Variants in ATPSCKMT observed in about 807,000 individuals in gnomAD.
ATPSCKMT encodes ATP synthase c subunit lysine N-methyltransferase.
Under a neutral mutation model 24.3 loss-of-function variants are expected in ATPSCKMT, and 24 were observed. That is an observed-to-expected ratio of 0.99 (90% confidence interval 0.71 to 1.39). The LOEUF is 1.39. Ranked by LOEUF, ATPSCKMT falls within the 40% of genes most tolerant of loss-of-function variation. The probability of loss-of-function intolerance (pLI) is 0.00; values close to 1 mark genes in which losing one functional copy is unlikely to be tolerated. For missense variants in ATPSCKMT, 311 were observed against 298.4 expected (o/e 1.04, Z -0.31); for synonymous variants, 95 against 110.5 (o/e 0.86, Z 0.88).
chr5:10,227,966 T>A (rs1250666439), intron 4 of ATPSCKMT, among the ~76,000 whole-genome samples: 1 of 152,194 alleles, frequency 6.6e-6, no homozygotes, highest in East Asian at 1.9e-4. Flanking sequence ...AATAACGCAC[T>A]TCAACACTTC....
chr5:10,237,309 C>T (rs1744420197), intron 2 of ATPSCKMT, among the ~76,000 whole-genome samples: 1 of 152,210 alleles, frequency 6.6e-6, no homozygotes. Flanking sequence ...TGCAAGAAAA[C>T]ATTTTCTCAG....
chr5:10,245,052 T>C (rs1744838112), intron 1 of ATPSCKMT, among the ~76,000 whole-genome samples: 1 of 152,230 alleles, frequency 6.6e-6, no homozygotes. Flanking sequence ...CAGAACTTAA[T>C]TAGTTGTTTA....
chr5:10,228,576 A>C (rs1412969029), intron 4 of ATPSCKMT, among the ~76,000 whole-genome samples: 1 of 152,208 alleles, frequency 6.6e-6, no homozygotes, highest in Non-Finnish European at 1.5e-5. Flanking sequence ...TCCTAAAAAT[A>C]ATTTTTTTCT....
At position 10,236,597 on chromosome 5, in the gene ATPSCKMT, T is replaced by C. The variant is rs374664049; in HGVS notation, c.325A>G (p.Lys109Glu). 1.2e-6 allele frequency: 2 copies of C among 1,614,206 alleles called. No individual in the cohort carries two copies. Among genetic ancestry groups the C allele is most frequent in the African/African-American group, 2.7e-5 (2 of 75,062 alleles). ...TCATAACCAACTGCTGTGAACCCTT[T>C]CTTCGCAGCCGCTATGACCTGTGGA... ...DGRIVIAAAK[K>E]GFTAVGYELN... is the part of the protein sequence containing the mutation. The change falls in exon 3 of 5, where the codon AAA becomes GAA. Residue 109 changes from lysine (K) to glutamate (E), a missense_variant. Lys to Glu is a moderately conservative substitution (Grantham distance 56). Transcript: ENST00000511437.
chr5:10,238,854 AG>A (rs1209724737), intron 2 of ATPSCKMT, among the ~76,000 whole-genome samples: 22 of 152,236 alleles, frequency 1.4e-4, no homozygotes, highest in African/African-American at 5.1e-4. Context: ...GCATGTTTAC[AG>A]CACACTTCCT....
At chr5:10,243,040 T>C (rs1392822103) in intron 1 of ATPSCKMT, among the ~76,000 whole-genome samples, 2 of 152,246 alleles carry the variant, frequency 1.3e-5, no homozygotes, top group African/African-American at 2.4e-5. Context: ...CTAAGGACTC[T>C]GTGATTTTCA....
intron 1 of ATPSCKMT, among the ~76,000 whole-genome samples, chr5:10,244,806 G>A (rs890312244): frequency 1.3e-5 from 2 of 151,908 alleles, no homozygotes; most frequent in African/African-American, 4.8e-5. Context: ...TTTTTGGGAG[G>A]CTGAAGCAGG....
At chr5:10,235,610 G>A (rs1044816331) in intron 3 of ATPSCKMT, among the ~76,000 whole-genome samples, 7 of 152,196 alleles carry the variant, frequency 4.6e-5, no homozygotes, top group Non-Finnish European at 7.3e-5. Context: ...CCGGGGCCAC[G>A]TGTTCCCGCA....
intron 1 of ATPSCKMT, chr5:10,248,216 G>A (rs2126474948): frequency 1.3e-5 from 1 of 79,760 alleles, no homozygotes; most frequent in East Asian, 5.0e-4. Context: ...TCCTTAAGAA[G>A]CCTTTCTTAT....
chr5:10,244,073 T>A (rs113448258), intron 1 of ATPSCKMT, among the ~76,000 whole-genome samples: 1 of 152,296 alleles, frequency 6.6e-6, no homozygotes, highest in African/African-American at 2.4e-5. Context: ...ATTTCAATGT[T>A]GTTGTGTCTC....
chr5:10,246,650 C>G (rs2578620), intron 1 of ATPSCKMT, among the ~76,000 whole-genome samples: 2 of 152,084 alleles, frequency 1.3e-5, no homozygotes, highest in Admixed American at 6.5e-5. Flanking sequence ...TTTTTGCTTA[C>G]GCATTTGTTC....
chr5:10,241,648 ATTAACT>A (rs1429537472), intron 1 of ATPSCKMT, among the ~76,000 whole-genome samples: 2 of 152,236 alleles, frequency 1.3e-5, no homozygotes, highest in Admixed American at 6.5e-5. Flanking sequence ...GGTAAAGAAA[ATTAACT>A]TTAAGAAGGT....
At chr5:10,235,872 A>T (rs1744354163) in intron 3 of ATPSCKMT, among the ~76,000 whole-genome samples, 1 of 152,252 alleles carries the variant, frequency 6.6e-6, no homozygotes, top group South Asian at 2.1e-4. Context: ...ATGGCATAAA[A>T]AAACAATGCA....
intron 4 of ATPSCKMT, among the ~76,000 whole-genome samples, chr5:10,229,742 G>A (rs77339498): frequency 0.019 from 2,826 of 152,252 alleles, 88 homozygotes; most frequent in African/African-American, 0.064. Context: ...CTTATCTACC[G>A]ATCTGCTATA....
At chr5:10,230,602 A>T (rs7721337) in intron 4 of ATPSCKMT, among the ~76,000 whole-genome samples, 136,112 of 152,244 alleles carry the variant, frequency 0.89, 60,929 homozygotes, top group Middle Eastern at 0.95. Flanking sequence ...GTCTGCGTAA[A>T]GGAATTCAAA....
At chr5:10,235,157 A>AGG in intron 4 of ATPSCKMT, 54 bp downstream of exon 4, 2 of 1,551,038 alleles carry the variant, frequency 1.3e-6, no homozygotes, top group Non-Finnish European at 1.8e-6. Flanking sequence ...TGTGGCTGGA[A>AGG]GGGCCTTCAA....
rs148688925 is a variant in ATPSCKMT, at chr5:10,245,726, G to A, written c.16+4132C>T. 9.9e-4 allele frequency among the ~76,000 whole-genome samples: 148 copies of A among 149,406 alleles called. 2 individuals are homozygous for A. The highest frequency in any genetic ancestry group is 8.1e-3 in the East Asian group (41 of 5,076). On this transcript the variant is annotated intron_variant, in intron 1 of 4. Coordinates refer to ENST00000511437, the MANE Select transcript of ATPSCKMT (RefSeq NM_199133.4). ...CACACCACTGTACTCCAACCTGGGTGACAGAGTGAGACCTCATTACAAAAA... is the reference window on the plus strand; with the variant it reads ...CACACCACTGTACTCCAACCTGGGTAACAGAGTGAGACCTCATTACAAAAA...
chr5:10,249,740 C>A, intron 1 of ATPSCKMT, 118 bp downstream of exon 1: 2 of 1,440,300 alleles, frequency 1.4e-6, no homozygotes, highest in Non-Finnish European at 1.9e-6. Flanking sequence ...GAGGCCAGAG[C>A]AGCCGCCCGC....
intron 4 of ATPSCKMT, among the ~76,000 whole-genome samples, chr5:10,229,014 G>C (rs1744007819): frequency 6.6e-6 from 1 of 152,150 alleles, no homozygotes; most frequent in Non-Finnish European, 1.5e-5. Flanking sequence ...TTGCAGAAAA[G>C]GTTGCATACA....
Sources: allele counts gnomAD v4.1 joint callset (sites outside exome capture counted in the v4.1 genomes callset), GRCh38; gene constraint gnomAD v4.1.1; transcripts MANE v1.5; gene names NCBI Gene and HGNC (gene_info 2026-07-23, HGNC 2026-07-21).